EPM2A: variants seen among roughly 807,000 people sequenced by gnomAD.
EPM2A encodes EPM2A glucan phosphatase, laforin, also known as laforin.
EPM2A carries 21 observed loss-of-function variants against 26.5 expected under a neutral mutation model. The observed-to-expected ratio is 0.79, with a 90% CI of 0.56 to 1.14. The LOEUF is 1.14. Ranked by LOEUF, EPM2A falls within the 50% of genes most tolerant of loss-of-function variation. The pLI is 0.00. For missense variants in EPM2A, 458 were observed against 440.8 expected (o/e 1.04, Z -0.35); for synonymous variants, 217 against 177.6 (o/e 1.22, Z -1.76).
At position 145,502,576 on chromosome 6, in the gene EPM2A, C is replaced by T. The variant is rs1425043355; in HGVS notation, c.341-1G>A. On this transcript the variant is annotated splice_acceptor_variant, in intron 2 of 3. Transcript: ENST00000450221. LOFTEE classifies it high-confidence loss of function. ...CACATGTCAGCTGTCCTCTTCTCAT[C>T]TGGAAAAAGGAGGAGAGGAGTGGCA... 2.1e-6 allele frequency: 1 copy of T among 470,762 alleles called. No homozygotes were observed. Among genetic ancestry groups the T allele is most frequent in the African/African-American group, 2.0e-5 (1 of 50,052 alleles). The allele number at this position is 470,762 out of a possible 1,614,324, so 29.2% of individuals were successfully genotyped here.
At chr6:145,709,142 T>C (rs776817273) in intron 1 of EPM2A, among the ~76,000 whole-genome samples, 1 of 152,208 alleles carries the variant, frequency 6.6e-6, no homozygotes, top group Non-Finnish European at 1.5e-5. Flanking sequence ...AGAAGGGGCT[T>C]GCCTTGTCTC....
At chr6:145,404,394 GTATT>G (rs1263786239) in intron 4 of EPM2A, among the ~76,000 whole-genome samples, 4 of 151,462 alleles carry the variant, frequency 2.6e-5, no homozygotes, top group African/African-American at 7.3e-5. Flanking sequence ...TTATATACTC[GTATT>G]TATTTTGTAT....
chr6:145,462,857 G>A (rs1228981419), intron 4 of EPM2A, among the ~76,000 whole-genome samples: 1 of 152,076 alleles, frequency 6.6e-6, no homozygotes, highest in African/African-American at 2.4e-5. Context: ...TGCTCCAAAT[G>A]CAAATCAAGT....
chr6:145,705,583 G>A (rs529522453), intron 1 of EPM2A: 2 of 456,150 alleles, frequency 4.4e-6, no homozygotes, highest in South Asian at 3.1e-5. Context: ...AAAAGTGCAG[G>A]GGTTTGATTA....
chr6:145,709,962 T>C (rs975151092), intron 1 of EPM2A, among the ~76,000 whole-genome samples: 3 of 152,130 alleles, frequency 2.0e-5, no homozygotes, highest in South Asian at 4.1e-4. Context: ...ATACAAAAAT[T>C]AATTCAAGAT....
chr6:145,492,349 A>G (rs918514146), intron 4 of EPM2A, among the ~76,000 whole-genome samples: 2 of 152,158 alleles, frequency 1.3e-5, no homozygotes, highest in Non-Finnish European at 2.9e-5. Flanking sequence ...CGGCCCCCAC[A>G]GTACCATCTA....
chr6:145,646,324 T>A (rs1777458576), intron 2 of EPM2A, among the ~76,000 whole-genome samples: 1 of 148,814 alleles, frequency 6.7e-6, no homozygotes, highest in South Asian at 2.1e-4. Context: ...GCTTGGCTAA[T>A]TTTTTTTTTT....
downstream of EPM2A, among the ~76,000 whole-genome samples, chr6:145,498,609 G>A (rs943895789): frequency 2.0e-5 from 3 of 152,158 alleles, no homozygotes; most frequent in East Asian, 1.9e-4. Context: ...CACTTCCCTC[G>A]GTAGGGGAGG....
chr6:145,604,983 T>C (rs1289276504), intron 2 of EPM2A, among the ~76,000 whole-genome samples: 2 of 152,110 alleles, frequency 1.3e-5, no homozygotes, highest in Admixed American at 6.5e-5. Context: ...ACAGGGACCA[T>C]GAAGCTTTAA....
chr6:145,582,894 G>A (rs1204924593), intron 2 of EPM2A, among the ~76,000 whole-genome samples: 1 of 152,064 alleles, frequency 6.6e-6, no homozygotes, highest in Non-Finnish European at 1.5e-5. Flanking sequence ...GAGTTAACTT[G>A]AAGAACCAGT....
chr6:145,480,141 A>T (rs2114732607), intron 4 of EPM2A, among the ~76,000 whole-genome samples: 1 of 151,938 alleles, frequency 6.6e-6, no homozygotes, highest in South Asian at 2.1e-4. Context: ...GTATTTGTTC[A>T]CACTGCTATA....
intron 2 of EPM2A, among the ~76,000 whole-genome samples, chr6:145,517,635 C>G (rs918798926): frequency 1.3e-5 from 2 of 152,126 alleles, no homozygotes; most frequent in African/African-American, 4.8e-5. Flanking sequence ...AAAAGACTAC[C>G]TAATTTATAT....
intron 2 of EPM2A, among the ~76,000 whole-genome samples, chr6:145,520,897 A>T (rs1037886089): frequency 1.1e-4 from 17 of 152,212 alleles, no homozygotes; most frequent in Admixed American, 1.1e-3. Context: ...TGTTTTTAAT[A>T]AGTCAATTAG....
Position 145,735,411 on chromosome 6 carries a change from C to A in EPM2A, c.88G>T (p.Gly30Trp), listed in dbSNP as rs796052434. The A allele has an allele frequency of 8.0e-7, 1 of 1,249,738 alleles. No homozygotes were observed. Among genetic ancestry groups the A allele is most frequent in the Non-Finnish European group, 1.0e-6 (1 of 991,950 alleles). The allele number at this position is 1,249,738 out of a possible 1,614,324, so 77.4% of individuals were successfully genotyped here. A position where few individuals can be genotyped will look rare whatever the true frequency, so the allele number is the denominator to read the frequency against. ...LLVVGSRPEL[G>W]RWEPRGAVRL... ...ACGGCACCGCGCGGCTCCCAACGCC[C>A]CAGCTCGGGCCGCGACCCCACCACC... The change falls in exon 1 of 4, where the codon GGG becomes TGG. Residue 30 changes from glycine (G) to tryptophan (W), a missense_variant. By Grantham distance (184) the Gly-to-Trp change is radical. Coordinates refer to ENST00000367519, the MANE Select transcript of EPM2A (RefSeq NM_005670.4).
At chr6:145,482,572 T>A (rs1582789630) in intron 4 of EPM2A, among the ~76,000 whole-genome samples, 2 of 152,096 alleles carry the variant, frequency 1.3e-5, no homozygotes, top group East Asian at 3.8e-4. Flanking sequence ...CTCTATGTAA[T>A]CTTTATTTGG....
At chr6:145,473,405 A>T (rs1267519126) in intron 4 of EPM2A, among the ~76,000 whole-genome samples, 2 of 152,096 alleles carry the variant, frequency 1.3e-5, no homozygotes, top group Non-Finnish European at 2.9e-5. Context: ...GCATGCCTAC[A>T]TGATCTAGAA....
chr6:145,719,646 C>G (rs1439809044), intron 1 of EPM2A, among the ~76,000 whole-genome samples: 2 of 151,868 alleles, frequency 1.3e-5, no homozygotes, highest in East Asian at 3.9e-4. Context: ...TAAATAAAAA[C>G]ATTGCATATA....
intron 2 of EPM2A, among the ~76,000 whole-genome samples, chr6:145,569,004 C>A (rs1018538116): frequency 6.6e-6 from 1 of 152,188 alleles, no homozygotes; most frequent in African/African-American, 2.4e-5. Context: ...GGGGAGGAGG[C>A]AGCCATAGGC....
chr6:145,388,740 A>G (rs995462176), intron 4 of EPM2A, among the ~76,000 whole-genome samples: 3 of 151,840 alleles, frequency 2.0e-5, no homozygotes, highest in Admixed American at 6.6e-5. Context: ...TTCAACTCCC[A>G]CTTATGAGTG....
Sources: allele counts gnomAD v4.1 joint callset (sites outside exome capture counted in the v4.1 genomes callset), GRCh38; gene constraint gnomAD v4.1.1; transcripts MANE v1.5; gene names NCBI Gene and HGNC (gene_info 2026-07-23, HGNC 2026-07-21).